Variants in KAT7 observed in about 807,000 individuals in gnomAD.
KAT7 encodes the protein histone acetyltransferase KAT7.
KAT7 carries 10 observed loss-of-function variants against 82.1 expected under a neutral mutation model. The ratio of observed to expected loss-of-function variants is 0.12; its 90% CI spans 0.08 to 0.21. KAT7 has a LOEUF of 0.21. Ranked by LOEUF, KAT7 falls within the 10% of genes least tolerant of loss-of-function variation. The probability of loss-of-function intolerance (pLI) is 1.00; values close to 1 mark genes in which losing one functional copy is unlikely to be tolerated. For missense variants in KAT7, 378 were observed against 760.9 expected (o/e 0.50, Z 5.92); for synonymous variants, 250 against 262.5 (o/e 0.95, Z 0.46).
chr17:49,797,158 G>C (rs989002202), intron 3 of KAT7, among the ~76,000 whole-genome samples: 2 of 151,916 alleles, frequency 1.3e-5, no homozygotes, highest in African/African-American at 4.8e-5. Context: ...CTGCCTCCCG[G>C]GTTCACGCCA....
intron 12 of KAT7, among the ~76,000 whole-genome samples, chr17:49,824,124 G>A (rs193226392): frequency 1.5e-4 from 23 of 152,274 alleles, no homozygotes; most frequent in Non-Finnish European, 3.1e-4. Context: ...ATGTATTGAT[G>A]GTTGACCAAT....
At position 49,809,162 on chromosome 17, in the gene KAT7, T is replaced by A; in HGVS notation, c.707T>A (p.Leu236Gln). The change falls in exon 6 of 15, where the codon CTG (leucine) becomes CAG (glutamine). Residue 236 changes from leucine (L) to glutamine (Q), a missense_variant. Physicochemically the swap from Leu to Gln is moderately radical, Grantham distance 113. Transcript: ENST00000259021. ...SRDKQIEERM[L>Q]SHRQDDNNRH... Reference sequence around the variant, plus strand: ...GATAAGCAGATAGAAGAAAGGATGCTGTCTCACAGGCAAGATGACAACAAC... The same window carrying A: ...GATAAGCAGATAGAAGAAAGGATGCAGTCTCACAGGCAAGATGACAACAAC... 1 of 1,614,166 alleles carries A rather than the reference T, an allele frequency of 6.2e-7. No individual in the cohort carries two copies. Among genetic ancestry groups the A allele is most frequent in the African/African-American group, 1.3e-5 (1 of 75,064 alleles).
At chr17:49,797,033 A>T in intron 3 of KAT7, 107 bp downstream of exon 3, 7 of 789,154 alleles carry the variant, frequency 8.9e-6, no homozygotes, top group Non-Finnish European at 1.2e-5. Context: ...CTTCAGCTAG[A>T]TGAATGCTGT....
chr17:49,790,283 G>A (rs1222863684), intron 1 of KAT7, among the ~76,000 whole-genome samples: 2 of 152,090 alleles, frequency 1.3e-5, no homozygotes, highest in East Asian at 3.8e-4. Flanking sequence ...TGCAACCTCC[G>A]CCTCCCGGGT....
Position 49,829,816 on chromosome 17 carries a change from C to T in KAT7, c.*2314C>T, listed in dbSNP as rs1007718095. 1 of 152,168 alleles carries T rather than the reference C, an allele frequency of 6.6e-6. No individual in the cohort carries two copies. The highest frequency in any genetic ancestry group is 2.4e-5 in the African/African-American group (1 of 41,414). 9.4% of individuals were successfully genotyped at this position (152,168 alleles called of 1,614,324 possible). On this transcript the variant is annotated 3_prime_UTR_variant, in exon 15 of 15. Coordinates refer to ENST00000259021, the MANE Select transcript of KAT7 (RefSeq NM_007067.5). ...AAAGGATTTATTATCTCATTTAAACCCCCACAGGTGTGGAAACAGAGTTTC... is the reference window on the plus strand; with the variant it reads ...AAAGGATTTATTATCTCATTTAAACTCCCACAGGTGTGGAAACAGAGTTTC...
At chr17:49,803,979 G>C (rs984378953) in intron 4 of KAT7, among the ~76,000 whole-genome samples, 2 of 149,674 alleles carry the variant, frequency 1.3e-5, no homozygotes, top group African/African-American at 4.9e-5. Flanking sequence ...ATTGTCCTAT[G>C]ACCCCTTTCA....
At chr17:49,795,876 T>A (rs1295085075) in intron 2 of KAT7, among the ~76,000 whole-genome samples, 1 of 152,200 alleles carries the variant, frequency 6.6e-6, no homozygotes, top group Non-Finnish European at 1.5e-5. Context: ...TACATTTGGC[T>A]AATTGGTCTG....
chr17:49,805,705 G>A (rs1175986055), intron 5 of KAT7, among the ~76,000 whole-genome samples: 3 of 152,240 alleles, frequency 2.0e-5, no homozygotes, highest in African/African-American at 4.8e-5. Flanking sequence ...AGCCACTAGT[G>A]CATTGATATT....
intron 11 of KAT7, 120 bp downstream of exon 11, chr17:49,821,910 C>T: frequency 1.3e-6 from 1 of 798,248 alleles, no homozygotes; most frequent in Non-Finnish European, 2.0e-6. Context: ...GACACCCCTT[C>T]CTTAAATTAA....
At chr17:49,796,405 A>G (rs2073956594) in intron 2 of KAT7, among the ~76,000 whole-genome samples, 1 of 152,232 alleles carries the variant, frequency 6.6e-6, no homozygotes, top group Non-Finnish European at 1.5e-5. Context: ...CAGTGTTATG[A>G]GGAATGTGCT....
intron 12 of KAT7, among the ~76,000 whole-genome samples, chr17:49,825,446 G>C (rs2074357359): frequency 6.6e-6 from 1 of 152,172 alleles, no homozygotes; most frequent in Non-Finnish European, 1.5e-5. Flanking sequence ...AAGGCTTCCA[G>C]AGTTCTTTTA....
intron 7 of KAT7, 48 bp from the exon 8 acceptor site, chr17:49,815,755 C>A (rs748512120): frequency 1.8e-6 from 2 of 1,137,698 alleles, no homozygotes; most frequent in Admixed American, 1.7e-5. Context: ...TTAAAAAGTT[C>A]TTAGAAGCAG....
In KAT7 at chr17:49,792,085, C is replaced by G. The variant is rs190799652; in HGVS notation, c.163+52C>G. On this transcript the variant is annotated intron_variant, in intron 2 of 14. Coordinates refer to ENST00000259021, the MANE Select transcript of KAT7 (RefSeq NM_007067.5). ...CACTCCTCACATCTGGCTGACTGGC[C>G]CATCACATTATTTTCCTAGTTAATG... The G allele has an allele frequency of 3.9e-5, 61 of 1,565,424 alleles. No individual in the cohort carries two copies. The African/African-American group carries it at 7.3e-4, about 19-fold the overall frequency.
intron 4 of KAT7, among the ~76,000 whole-genome samples, chr17:49,802,353 T>G (rs1222058349): frequency 1.3e-5 from 2 of 152,172 alleles, no homozygotes; most frequent in Admixed American, 1.3e-4. Context: ...AAAGAAAACA[T>G]GCCCTGAATA....
chr17:49,791,150 A>G (rs993870218), intron 1 of KAT7, among the ~76,000 whole-genome samples: 1 of 152,210 alleles, frequency 6.6e-6, no homozygotes, highest in East Asian at 1.9e-4. Context: ...TTCTGCTTAA[A>G]TTCTTTTGGG....
chr17:49,793,967 C>A (rs1880142801), intron 2 of KAT7, among the ~76,000 whole-genome samples: 1 of 152,168 alleles, frequency 6.6e-6, no homozygotes, highest in African/African-American at 2.4e-5. Context: ...ACAACTGTTC[C>A]TAACTTTATT....
intron 6 of KAT7, 24 bp from the exon 7 acceptor site, chr17:49,811,441 GAGTTTTCTCTC>G: frequency 1.1e-5 from 12 of 1,070,866 alleles, no homozygotes; most frequent in South Asian, 1.5e-5. Flanking sequence ...GCTTTATAAG[GAGTTTTCTCTC>G]AGTTTTCTCC....
At position 49,820,292 on chromosome 17, in the gene KAT7, T is replaced by G. The variant is rs185126584; in HGVS notation, c.1156-1045T>G. ...CGTCTATACTTTTTAAACACTTTTTTCTTTTTTTTTTTTGAGACAGAGTCT... is the reference window on the plus strand; with the variant it reads ...CGTCTATACTTTTTAAACACTTTTTGCTTTTTTTTTTTTGAGACAGAGTCT... On this transcript the variant is annotated intron_variant, in intron 9 of 14. Transcript: ENST00000259021. Among the ~76,000 whole-genome samples, 75 of 151,462 alleles carry G rather than the reference T, an allele frequency of 5.0e-4. No individual in the cohort carries two copies. In the East Asian group the frequency reaches 0.014, roughly 28 times the overall value.
At chr17:49,822,297 G>A (rs1218100761) in intron 11 of KAT7, among the ~76,000 whole-genome samples, 1 of 151,228 alleles carries the variant, frequency 6.6e-6, no homozygotes, top group East Asian at 1.9e-4. Flanking sequence ...GTATGACCTT[G>A]ACTCACTGCA....
Sources: gnomAD v4.1 joint callset for allele counts (sites outside exome capture counted in the v4.1 genomes callset) on GRCh38, gnomAD v4.1.1 for gene constraint, MANE v1.5 for transcripts, NCBI Gene and HGNC (gene_info 2026-07-23, HGNC 2026-07-21) for gene names.